Variants in FBXL2 observed in about 807,000 individuals in gnomAD.
FBXL2 encodes F-box/LRR-repeat protein 2.
A neutral mutation model predicts 69.2 loss-of-function variants in FBXL2; 38 were observed. The ratio of observed to expected loss-of-function variants is 0.55; its 90% CI spans 0.42 to 0.72. The LOEUF (loss-of-function observed/expected upper bound fraction) is 0.72, where lower values mean the gene tolerates loss of function less well. FBXL2 is among the 30% of genes least tolerant of loss of function. The pLI is 0.00. For synonymous variants in FBXL2, 192 were observed against 201.3 expected (o/e 0.95, Z 0.39); for missense variants, 354 against 520.3 (o/e 0.68, Z 3.11).
the FBXL2 span, chr3:33,416,811 G>T: frequency 6.2e-7 from 1 of 1,613,426 alleles, no homozygotes; most frequent in Non-Finnish European, 8.5e-7. Context: ...CGATTATCCA[G>T]CATCCGAATT....
At chr3:33,409,245 G>T in the FBXL2 span, 2 of 1,613,822 alleles carry the variant, frequency 1.2e-6, no homozygotes, top group Middle Eastern at 1.7e-4. Context: ...CCTCTGTGAG[G>T]ATTGTGGTAT....
At chr3:33,371,812 G>A (rs1375560608) in intron 5 of FBXL2, among the ~76,000 whole-genome samples, 1 of 152,150 alleles carries the variant, frequency 6.6e-6, no homozygotes, top group Non-Finnish European at 1.5e-5. Flanking sequence ...AATAGTTCCT[G>A]TTAGGTCTTG....
rs530367324 is a variant in FBXL2 at position 33,322,332 on chromosome 3, C to A, written c.65+24607C>A. Among the ~76,000 whole-genome samples, 5 of 152,058 alleles carry A rather than the reference C, an allele frequency of 3.3e-5. No homozygotes were observed. The South Asian group carries it at 1.0e-3, about 32-fold the overall frequency. On this transcript the variant is annotated intron_variant, in intron 2 of 14. Coordinates refer to ENST00000484457, the MANE Select transcript of FBXL2 (RefSeq NM_012157.5). ...TGATCTCGTGATCTGCCCACCTCGG[C>A]CTCCAAAAGTGCTGGGATTACAGGC...
At chr3:33,389,190 G>A (rs2043654230), downstream of FBXL2, 1 of 152,598 alleles carries the variant, frequency 6.6e-6, no homozygotes, top group Non-Finnish European at 1.5e-5. Context: ...AGAGAAAGAA[G>A]CTAGTATGTG....
In FBXL2 at chr3:33,356,924, A is replaced by G. The variant is rs116783387; in HGVS notation, c.66-2043A>G. On this transcript the variant is annotated intron_variant, in intron 2 of 14. Coordinates refer to ENST00000484457, the MANE Select transcript of FBXL2 (RefSeq NM_012157.5). ...GGATCTAGCCCAATCCTGAGGGAAA[A>G]GCAGCTGTGTTAAGCGTTCCAAAGC... Among the ~76,000 whole-genome samples, 192 of 152,284 alleles carry G rather than the reference A, an allele frequency of 1.3e-3. 2 individuals carry two copies. The highest frequency in any genetic ancestry group is 4.4e-3 in the African/African-American group (184 of 41,560).
chr3:33,280,225 T>C (rs1230155224), intron 1 of FBXL2, among the ~76,000 whole-genome samples: 1 of 152,222 alleles, frequency 6.6e-6, no homozygotes, highest in Non-Finnish European at 1.5e-5. Context: ...ACAGCTATAC[T>C]AGCATTGAGT....
chr3:33,411,815 T>A, the FBXL2 span: 78 of 714,200 alleles, frequency 1.1e-4, no homozygotes, highest in Non-Finnish European at 1.8e-4. Flanking sequence ...ATGGTCTCCA[T>A]GATCAACTTC....
intron 4 of FBXL2, among the ~76,000 whole-genome samples, chr3:33,362,872 G>C (rs1458310679): frequency 2.6e-5 from 4 of 151,610 alleles, no homozygotes; most frequent in African/African-American, 9.7e-5. Flanking sequence ...TCCCCCTGGT[G>C]ACAAAGATTT....
chr3:33,373,996 C>A, intron 9 of FBXL2, 75 bp downstream of exon 9: 1 of 1,417,856 alleles, frequency 7.1e-7, no homozygotes, highest in Non-Finnish European at 1.0e-6. Context: ...GGCCTCCCTG[C>A]AGCCCCCTAG....
chr3:33,303,639 T>A (rs1270922096), intron 2 of FBXL2, among the ~76,000 whole-genome samples: 4 of 152,140 alleles, frequency 2.6e-5, no homozygotes, highest in South Asian at 2.1e-4. Flanking sequence ...CAGAAAAGAT[T>A]GGTGAATTTG....
intron 2 of FBXL2, chr3:33,300,390 A>C (rs978566323): frequency 6.6e-6 from 1 of 152,228 alleles, no homozygotes; most frequent in Admixed American, 6.5e-5. Flanking sequence ...GGAGGTTGTC[A>C]TCACTACTTA....
chr3:33,406,019 A>G (rs2044410292), downstream of FBXL2, among the ~76,000 whole-genome samples: 1 of 152,218 alleles, frequency 6.6e-6, no homozygotes, highest in Non-Finnish European at 1.5e-5. Flanking sequence ...CAAAAAAGAA[A>G]TCTAATTTAG....
rs147051575 is a variant in FBXL2 at position 33,321,822 on chromosome 3, G to A, written c.65+24097G>A. Among the ~76,000 whole-genome samples the A allele has an allele frequency of 4.6e-5, 7 of 152,158 alleles. 1 individual carries two copies. Among genetic ancestry groups the A allele is most frequent in the African/African-American group, 1.4e-4 (6 of 41,510 alleles). On this transcript the variant is annotated intron_variant, in intron 2 of 14. Coordinates refer to ENST00000484457, the MANE Select transcript of FBXL2 (RefSeq NM_012157.5). ...GTGTATCTAAATGTAGAAAAGGTAC[G>A]GTAAAATTATGGTATCATAATCTCA...
rs2043566035 is a variant in FBXL2, at chr3:33,387,964, G to T, written c.*2356G>T. ...GGGTGCCTGTAGTCCCAGCTACTCA[G>T]GAGACTGAGGCAGAAGAATGGCGTG... On this transcript the variant is annotated 3_prime_UTR_variant, in exon 15 of 15. Transcript: ENST00000484457. 6.6e-6 allele frequency: 1 copy of T among 151,020 alleles called. No homozygotes were observed. The allele number at this position is 151,020 out of a possible 1,614,324, so 9.4% of individuals were successfully genotyped here.
At chr3:33,302,975 C>A (rs2036414234) in intron 2 of FBXL2, 3 of 432,522 alleles carry the variant, frequency 6.9e-6, no homozygotes, top group South Asian at 5.0e-5. Context: ...AGATATAGCC[C>A]AGTGCTTATC....
intron 1 of FBXL2, among the ~76,000 whole-genome samples, chr3:33,288,936 T>G (rs987285040): frequency 4.6e-5 from 7 of 151,886 alleles, no homozygotes; most frequent in African/African-American, 1.7e-4. Flanking sequence ...ATCCATAGGA[T>G]TAGCTGATGG....
At position 33,330,599 on chromosome 3, in the gene FBXL2, C is replaced by T. The variant is rs550839560; in HGVS notation, c.66-28368C>T. Among the ~76,000 whole-genome samples, 11 of 152,046 alleles carry T rather than the reference C, an allele frequency of 7.2e-5. No individual in the cohort carries two copies. In the South Asian group the frequency reaches 2.1e-3, roughly 29 times the overall value. Reference sequence around the variant, plus strand: ...CACGTTATATGAATGTATTAAAATACGACATGTGGCGGGTGCAGTGGCTCA... The same window carrying T: ...CACGTTATATGAATGTATTAAAATATGACATGTGGCGGGTGCAGTGGCTCA... On this transcript the variant is annotated intron_variant, in intron 2 of 14. Coordinates refer to ENST00000484457, the MANE Select transcript of FBXL2 (RefSeq NM_012157.5).
At chr3:33,282,951 A>G (rs956287781) in intron 1 of FBXL2, among the ~76,000 whole-genome samples, 1 of 152,186 alleles carries the variant, frequency 6.6e-6, no homozygotes, top group Non-Finnish European at 1.5e-5. Context: ...TTTTTGGCTG[A>G]GATAATGGGG....
At chr3:33,414,684 T>C in the FBXL2 span, among the ~76,000 whole-genome samples, 1 of 152,160 alleles carries the variant, frequency 6.6e-6, no homozygotes, top group African/African-American at 2.4e-5. Context: ...CTGCAGTCTT[T>C]GGTAGTAGCA....
Sources: gnomAD v4.1 joint callset for allele counts (sites outside exome capture counted in the v4.1 genomes callset) on GRCh38, gnomAD v4.1.1 for gene constraint, MANE v1.5 for transcripts, NCBI Gene and HGNC (gene_info 2026-07-23, HGNC 2026-07-21) for gene names.